The following SLC2A9 variants were observed in gnomAD, a reference collection of about 807,000 sequenced individuals.
SLC2A9 encodes the protein solute carrier family 2, facilitated glucose transporter member 9.
In SLC2A9, 39 loss-of-function variants were observed where a neutral mutation model predicts 50.6. The ratio of observed to expected loss-of-function variants is 0.77; its 90% CI spans 0.60 to 1.01. The LOEUF is 1.01. Among genes scored for constraint, SLC2A9 ranks in the 50% least tolerant of loss-of-function variants. The probability of loss-of-function intolerance (pLI) is 0.00; values close to 1 mark genes in which losing one functional copy is unlikely to be tolerated. For synonymous variants in SLC2A9, 324 were observed against 276.9 expected (o/e 1.17, Z -1.69); for missense variants, 686 against 677.6 (o/e 1.01, Z -0.14).
chr4:9,835,771 C>T (rs926808256), intron 10 of SLC2A9, among the ~76,000 whole-genome samples: 3 of 151,994 alleles, frequency 2.0e-5, no homozygotes, highest in Non-Finnish European at 2.9e-5. Context: ...AGCTAAGCTA[C>T]GAGGATGCAA....
rs1195784092 is a variant in SLC2A9, at chr4:10,021,474, C to T, written c.-45G>A. ...GATGGCTCAGTCCAGGGACCCCAGA[C>T]TCTGCCAAGGCATTTCCGTGAGTGA... On this transcript the variant is annotated 5_prime_UTR_variant, in exon 1 of 12. Transcript: ENST00000264784. 8 of 1,613,160 alleles carry T rather than the reference C, an allele frequency of 5.0e-6. No individual in the cohort carries two copies. The highest frequency in any genetic ancestry group is 6.8e-6 in the Non-Finnish European group (8 of 1,179,678).
Position 9,826,343 on chromosome 4 carries a change from C to A in SLC2A9, c.*54G>T. On this transcript the variant is annotated 3_prime_UTR_variant, in exon 12 of 12. Coordinates refer to ENST00000264784, the MANE Select transcript of SLC2A9 (RefSeq NM_020041.3). ...AAGTTTCCTGAAAAGTGAGATCATC[C>A]ATGTAGACAATCCTGTTTTTGACAT... The A allele has an allele frequency of 6.4e-7, 1 of 1,568,786 alleles. No homozygotes were observed. The highest frequency in any genetic ancestry group is 8.8e-7 in the Non-Finnish European group (1 of 1,138,894).
Position 9,862,566 on chromosome 4 carries a change from C to T in SLC2A9, c.1291+25001G>A, listed in dbSNP as rs6823036. On this transcript the variant is annotated intron_variant, in intron 10 of 11. Coordinates refer to ENST00000264784, the MANE Select transcript of SLC2A9 (RefSeq NM_020041.3). Reference sequence around the variant, plus strand: ...GGTTGAAGAAAATATGTTTTTTATCCCCTATGCTAACAACACTGCAGCCTT... The same window carrying T: ...GGTTGAAGAAAATATGTTTTTTATCTCCTATGCTAACAACACTGCAGCCTT... 4.0e-3 allele frequency among the ~76,000 whole-genome samples: 601 copies of T among 151,882 alleles called. 13 individuals are homozygous for T. Among genetic ancestry groups the T allele is most frequent in the African/African-American group, 0.014 (559 of 41,256 alleles).
chr4:10,011,158 T>C (rs1761702005), intron 2 of SLC2A9, among the ~76,000 whole-genome samples: 1 of 152,224 alleles, frequency 6.6e-6, no homozygotes, highest in South Asian at 2.1e-4. Flanking sequence ...GCCACAGACC[T>C]TGCATTTCTT....
In SLC2A9 at chr4:9,826,590, T is replaced by C; in HGVS notation, c.1430A>G (p.Asp477Gly). 6.2e-7 allele frequency: 1 copy of C among 1,614,020 alleles called. No homozygotes were observed. The highest frequency in any genetic ancestry group is 1.3e-5 in the African/African-American group (1 of 75,044). ...LLFPFIQKSLDTYCFLVFATI... is the reference protein window; with the variant it reads ...LLFPFIQKSLGTYCFLVFATI... ...AGCAAAGACTAGGAAACAGTAGGTG[T>C]CCAGACTTTTCTGTGGAAAGGCAGA... is the stretch of plus-strand genomic sequence containing the variant. The change falls in exon 12 of 12, where the codon GAC becomes GGC. Residue 477 changes from aspartate (D) to glycine (G), a missense_variant. Coordinates refer to ENST00000264784, the MANE Select transcript of SLC2A9 (RefSeq NM_020041.3).
chr4:9,989,633 GCT>G (rs1757335263), intron 3 of SLC2A9, among the ~76,000 whole-genome samples: 1 of 151,946 alleles, frequency 6.6e-6, no homozygotes, highest in Non-Finnish European at 1.5e-5. Context: ...TCCCAACCAG[GCT>G]CTGAGACCCC....
At chr4:9,782,659 C>G in intron 3 of SLC2A9, 1 of 1,613,984 alleles carries the variant, frequency 6.2e-7, no homozygotes, top group Non-Finnish European at 8.5e-7. Flanking sequence ...TTTGGGAGCC[C>G]GACGTGAATG....
At chr4:10,033,159 T>G (rs1763989081) in intron 1 of SLC2A9, among the ~76,000 whole-genome samples, 1 of 152,206 alleles carries the variant, frequency 6.6e-6, no homozygotes, top group African/African-American at 2.4e-5. Context: ...AATGGCTTAT[T>G]ATCACTTGCT....
At chr4:9,787,563 G>A (rs530345189) in intron 3 of SLC2A9, among the ~76,000 whole-genome samples, 3 of 152,260 alleles carry the variant, frequency 2.0e-5, no homozygotes, top group African/African-American at 7.2e-5. Flanking sequence ...TAAAAACAGG[G>A]AATTCTCTCA....
At chr4:10,030,301 G>C (rs1763898393) in intron 1 of SLC2A9, among the ~76,000 whole-genome samples, 3 of 152,026 alleles carry the variant, frequency 2.0e-5, no homozygotes, top group Admixed American at 2.0e-4. Context: ...TATACCAAAA[G>C]ATCACATTGT....
intron 10 of SLC2A9, among the ~76,000 whole-genome samples, chr4:9,852,225 C>G (rs1730051228): frequency 1.3e-5 from 2 of 150,822 alleles, no homozygotes; most frequent in Non-Finnish European, 2.9e-5. Context: ...CCAGAAGATA[C>G]TGGGGGCCTA....
At chr4:9,879,481 G>C in intron 10 of SLC2A9, 1 of 985,098 alleles carries the variant, frequency 1.0e-6, no homozygotes. Context: ...AGAGAGGGAG[G>C]GCAGGCAGGG....
intron 10 of SLC2A9, among the ~76,000 whole-genome samples, chr4:9,864,024 G>T (rs541823989): frequency 2.0e-5 from 3 of 152,072 alleles, no homozygotes. Context: ...CCCTGGGACT[G>T]GGGGGTTGCC....
chr4:9,850,170 G>C (rs1729642704), intron 10 of SLC2A9, among the ~76,000 whole-genome samples: 1 of 152,116 alleles, frequency 6.6e-6, no homozygotes, highest in Non-Finnish European at 1.5e-5. Context: ...CGACTCCTGG[G>C]GAAGGGATGA....
chr4:9,842,477 C>T (rs2109228844), intron 10 of SLC2A9, among the ~76,000 whole-genome samples: 1 of 152,314 alleles, frequency 6.6e-6, no homozygotes, highest in Non-Finnish European at 1.5e-5. Flanking sequence ...CATGACCAAA[C>T]TATGAATTAT....
At chr4:9,826,157 G>A (rs1312898508), downstream of SLC2A9, 3 of 531,830 alleles carry the variant, frequency 5.6e-6, no homozygotes, top group Admixed American at 3.2e-5. Flanking sequence ...AACATAGAGT[G>A]ATTCCTTGCA....
chr4:9,885,044 T>C lies in SLC2A9; in HGVS notation c.1291+2523A>G, dbSNP rs534836752. On this transcript the variant is annotated intron_variant, in intron 10 of 11. Coordinates refer to ENST00000264784, the MANE Select transcript of SLC2A9 (RefSeq NM_020041.3). ...GGGGTGGGAGTGGAGGGAGGGAAAG[T>C]ATCAGGAAAAATAGCTAATGCAGGC... Among the ~76,000 whole-genome samples the C allele has an allele frequency of 6.6e-5, 10 of 152,186 alleles. No individual in the cohort carries two copies. In the South Asian group the frequency reaches 2.1e-3, roughly 32 times the overall value.
intron 3 of SLC2A9, among the ~76,000 whole-genome samples, chr4:9,993,510 T>C (rs1758068992): frequency 6.6e-6 from 1 of 152,194 alleles, no homozygotes; most frequent in Non-Finnish European, 1.5e-5. Context: ...AACAACCCTC[T>C]GACATGGCCA....
At chr4:9,859,509 A>C (rs1393707666) in intron 10 of SLC2A9, among the ~76,000 whole-genome samples, 2 of 152,228 alleles carry the variant, frequency 1.3e-5, no homozygotes, top group South Asian at 2.1e-4. Flanking sequence ...GAAATTGATA[A>C]ATGGTTTTTC....
Sources: gnomAD v4.1 joint callset for allele counts (sites outside exome capture counted in the v4.1 genomes callset) on GRCh38, gnomAD v4.1.1 for gene constraint, MANE v1.5 for transcripts, NCBI Gene and HGNC (gene_info 2026-07-23, HGNC 2026-07-21) for gene names.